OPALIN: variants seen among roughly 807,000 people sequenced by gnomAD.
OPALIN encodes the protein transmembrane protein 10.
OPALIN carries 15 observed loss-of-function variants against 17.8 expected under a neutral mutation model. That is an observed-to-expected ratio of 0.84 (90% CI 0.56 to 1.29). OPALIN has a LOEUF of 1.29. OPALIN is among the 50% of genes most tolerant of loss of function. OPALIN has a pLI of 0.00. For synonymous variants in OPALIN, 62 were observed against 63.8 expected (o/e 0.97, Z 0.14); for missense variants, 170 against 176.0 (o/e 0.97, Z 0.19).
chr10:96,348,373 A>G (rs748857644), intron 4 of OPALIN, 28 bp from the exon 5 acceptor site: 18 of 1,135,696 alleles, frequency 1.6e-5, no homozygotes, highest in Non-Finnish European at 2.4e-5. Flanking sequence ...TAATAATAAA[A>G]GAAAGAAAGA....
Position 96,345,980 on chromosome 10 carries a change from C to T in OPALIN, c.387G>A (p.Arg129=). The change falls in exon 6 of 6, where the codon AGG becomes AGA. Residue 129 remains arginine, a synonymous_variant. Transcript: ENST00000371172. ...GTCTGGGCACAAGCCACCACAATCC[C>T]CTCCTTCTTTCCATTTCTATAGTAG... ...YRPTIEMERR[R]GLWWLVPRLS... 1 of 1,614,058 alleles carries T rather than the reference C, an allele frequency of 6.2e-7. No homozygotes were observed. The highest frequency in any genetic ancestry group is 8.5e-7 in the Non-Finnish European group (1 of 1,179,886).
intron 2 of OPALIN, among the ~76,000 whole-genome samples, chr10:96,354,792 C>T (rs577668800): frequency 5.3e-5 from 8 of 151,852 alleles, no homozygotes; most frequent in Middle Eastern, 3.4e-3. Flanking sequence ...TTCCTCAGTG[C>T]GTTTTGAAAG....
At chr10:96,357,662 T>C (rs1845872934) in intron 1 of OPALIN, among the ~76,000 whole-genome samples, 1 of 152,210 alleles carries the variant, frequency 6.6e-6, no homozygotes, top group African/African-American at 2.4e-5. Flanking sequence ...CGTAATGTCA[T>C]CTGTGGCAGC....
intron 3 of OPALIN, among the ~76,000 whole-genome samples, chr10:96,350,091 G>A (rs1845515311): frequency 6.6e-6 from 1 of 152,164 alleles, no homozygotes; most frequent in Non-Finnish European, 1.5e-5. Context: ...GATATGAACA[G>A]GTATTCTTTA....
intron 4 of OPALIN, among the ~76,000 whole-genome samples, chr10:96,348,751 T>C (rs1845449370): frequency 6.6e-6 from 1 of 152,262 alleles, no homozygotes; most frequent in African/African-American, 2.4e-5. Flanking sequence ...TTGGAAATTT[T>C]GAGCTTCCTA....
At position 96,358,990 on chromosome 10, in the gene OPALIN, A is replaced by G. The variant is rs1845919656; in HGVS notation, c.-94T>C. ...TGGCTTGTGTCTTTCATTTGTAGGA[A>G]CAGTTAACTGACAAAGCTGCAGAGG... is the stretch of plus-strand genomic sequence containing the variant. On this transcript the variant is annotated 5_prime_UTR_variant, in exon 1 of 6. Coordinates refer to ENST00000371172, the MANE Select transcript of OPALIN (RefSeq NM_033207.5). The G allele has an allele frequency of 6.9e-7, 1 of 1,446,182 alleles. No individual in the cohort carries two copies. The highest frequency in any genetic ancestry group is 1.1e-5 in the South Asian group (1 of 87,384). 89.6% of individuals were successfully genotyped at this position (1,446,182 alleles called of 1,614,324 possible). A position where few individuals can be genotyped will look rare whatever the true frequency, so the allele number is the denominator to read the frequency against.
chr10:96,357,301 ATT>A, intron 1 of OPALIN: 1 of 281,308 alleles, frequency 3.6e-6, no homozygotes, highest in Non-Finnish European at 5.4e-6. Context: ...GTTTATCAAC[ATT>A]CGGATGACGG....
At chr10:96,351,873 A>G (rs1001791745) in intron 2 of OPALIN, among the ~76,000 whole-genome samples, 1 of 152,236 alleles carries the variant, frequency 6.6e-6, no homozygotes, top group Non-Finnish European at 1.5e-5. Flanking sequence ...GGATAATTCT[A>G]CATGAAATGA....
intron 1 of OPALIN, among the ~76,000 whole-genome samples, chr10:96,358,155 T>C (rs912840745): frequency 1.3e-4 from 16 of 122,956 alleles, no homozygotes; most frequent in Admixed American, 4.4e-4. Flanking sequence ...CTCCACAGAC[T>C]GAGCTCTACT....
At chr10:96,351,252 A>C in intron 3 of OPALIN, 126 bp downstream of exon 3, 4 of 668,286 alleles carry the variant, frequency 6.0e-6, no homozygotes, top group Non-Finnish European at 1.1e-5. Flanking sequence ...GTCAAGAATA[A>C]TTCTTGAGCC....
intron 1 of OPALIN, among the ~76,000 whole-genome samples, chr10:96,356,503 C>G (rs956242290): frequency 2.0e-5 from 3 of 152,132 alleles, no homozygotes; most frequent in Admixed American, 6.5e-5. Flanking sequence ...CAAATGAGAA[C>G]AGTTGGAGCC....
chr10:96,356,774 G>T, intron 1 of OPALIN: 2 of 537,886 alleles, frequency 3.7e-6, no homozygotes, highest in Non-Finnish European at 4.8e-6. Context: ...TGCTCAACTA[G>T]CACGCTTCAG....
intron 5 of OPALIN, 143 bp downstream of exon 5, chr10:96,348,146 A>T (rs1157904193): frequency 9.7e-6 from 4 of 411,914 alleles, no homozygotes; most frequent in Non-Finnish European, 1.7e-5. Context: ...ATGCACTGAG[A>T]ACCTCCTTTG....
chr10:96,355,096 C>CAAAAAAAAA (rs56995726), intron 2 of OPALIN, among the ~76,000 whole-genome samples, 159 bp downstream of exon 2: 1 of 45,174 alleles, frequency 2.2e-5, no homozygotes, highest in African/African-American at 9.3e-5. Flanking sequence ...GACCTTGTCT[C>CAAAAAAAAA]AAAAAAAAAA....
chr10:96,352,126 T>C (rs1394601287), intron 2 of OPALIN, among the ~76,000 whole-genome samples: 3 of 151,684 alleles, frequency 2.0e-5, no homozygotes, highest in African/African-American at 7.3e-5. Flanking sequence ...AGGGGTTGCA[T>C]GTCTCTATCT....
intron 1 of OPALIN, chr10:96,357,155 G>T (rs753309501): frequency 2.5e-4 from 242 of 984,308 alleles, no homozygotes; most frequent in Non-Finnish European, 2.8e-4. Context: ...GATGGTCGCT[G>T]CACTGAATGC....
intron 2 of OPALIN, chr10:96,353,374 C>T: frequency 1.2e-6 from 2 of 1,604,832 alleles, no homozygotes; most frequent in Non-Finnish European, 1.7e-6. Flanking sequence ...CACTGGCATT[C>T]CCAGGCTACC....
At chr10:96,356,635 T>C (rs759879395) in intron 1 of OPALIN, among the ~76,000 whole-genome samples, 19 of 152,226 alleles carry the variant, frequency 1.2e-4, no homozygotes, top group Non-Finnish European at 2.5e-4. Flanking sequence ...GACTTACTGA[T>C]GGATTGGAAT....
intron 2 of OPALIN, chr10:96,353,511 G>T: frequency 7.8e-7 from 1 of 1,287,788 alleles, no homozygotes; most frequent in Non-Finnish European, 1.1e-6. Context: ...ACCAGGCAAA[G>T]CAAAATGGTT....
Sources: allele counts gnomAD v4.1 joint callset (sites outside exome capture counted in the v4.1 genomes callset), GRCh38; gene constraint gnomAD v4.1.1; transcripts MANE v1.5; gene names NCBI Gene and HGNC (gene_info 2026-07-23, HGNC 2026-07-21).